The following QSOX2 variants were observed in gnomAD, a reference collection of about 807,000 sequenced individuals.
The protein encoded by QSOX2 is sulfhydryl oxidase 2.
QSOX2 carries 46 observed loss-of-function variants against 61.7 expected under a neutral mutation model. The observed-to-expected ratio is 0.75, with a 90% confidence interval of 0.59 to 0.95. The LOEUF (loss-of-function observed/expected upper bound fraction) is 0.95, where lower values mean the gene tolerates loss of function less well. QSOX2 is among the 40% of genes least tolerant of loss of function. QSOX2 has a pLI of 0.00. For synonymous variants in QSOX2, 383 were observed against 388.4 expected (o/e 0.99, Z 0.16); for missense variants, 879 against 918.9 (o/e 0.96, Z 0.56).
chr9:136,211,203 G>C (rs1831839721), intron 11 of QSOX2, 61 bp downstream of exon 11: 1 of 1,552,232 alleles, frequency 6.4e-7, no homozygotes, highest in Non-Finnish European at 8.8e-7. Flanking sequence ...CGTCCTTGCT[G>C]TCCCAGGACC....
chr9:136,244,594 T>A (rs957069710), intron 1 of QSOX2, among the ~76,000 whole-genome samples: 1 of 152,226 alleles, frequency 6.6e-6, no homozygotes, highest in African/African-American at 2.4e-5. Flanking sequence ...CAAACCTCAC[T>A]GGGTCGGGAG....
chr9:136,245,582 G>T lies in QSOX2; in HGVS notation c.222C>A (p.Ala74=). 6.3e-7 allele frequency: 1 copy of T among 1,577,052 alleles called. No homozygotes were observed. The highest frequency in any genetic ancestry group is 8.5e-7 in the Non-Finnish European group (1 of 1,171,046). The change falls in exon 1 of 12, where the codon GCC becomes GCA. Residue 74 remains alanine, a synonymous_variant. Transcript: ENST00000358701. ...WVLDSGSVRG[A]TANSSAAWLV... Reference sequence around the variant, plus strand: ...GCCACGCGGCCGAGCTGTTGGCGGTGGCCCCGCGCACGCTGCCGCTGTCCA... The same window carrying T: ...GCCACGCGGCCGAGCTGTTGGCGGTTGCCCCGCGCACGCTGCCGCTGTCCA...
intron 8 of QSOX2, among the ~76,000 whole-genome samples, chr9:136,217,341 C>A (rs1831926391): frequency 6.6e-6 from 1 of 152,188 alleles, no homozygotes; most frequent in African/African-American, 2.4e-5. Flanking sequence ...ACATAGGCTG[C>A]CGAAAGAGCT....
intron 10 of QSOX2, among the ~76,000 whole-genome samples, chr9:136,213,583 G>A (rs768728016): frequency 2.7e-5 from 4 of 150,606 alleles, no homozygotes; most frequent in Non-Finnish European, 3.0e-5. Flanking sequence ...CCAGACCCCC[G>A]AGAAGCAGTA....
rs114619754 is a variant in QSOX2, at chr9:136,243,562, A to G, written c.328+1914T>C. ...TGTACTGATTTATGTCTCTCTGCCT[A>G]TAACTTCTGTCTCCCTAAAATGTAT... is the stretch of plus-strand genomic sequence containing the variant. On this transcript the variant is annotated intron_variant, in intron 1 of 11. Coordinates refer to ENST00000358701, the MANE Select transcript of QSOX2 (RefSeq NM_181701.4). Among the ~76,000 whole-genome samples, 325 of 152,362 alleles carry G rather than the reference A, an allele frequency of 2.1e-3. 2 individuals are homozygous for G. The highest frequency in any genetic ancestry group is 7.3e-3 in the African/African-American group (304 of 41,580).
chr9:136,211,224 TC>T, intron 11 of QSOX2, 39 bp downstream of exon 11: 1 of 1,600,794 alleles, frequency 6.2e-7, no homozygotes, highest in Non-Finnish European at 8.5e-7. Flanking sequence ...AGGGCCTCCC[TC>T]CGCCCGTGCT....
At chr9:136,241,620 C>CGCGG (rs1351132458) in intron 1 of QSOX2, among the ~76,000 whole-genome samples, 4 of 152,198 alleles carry the variant, frequency 2.6e-5, no homozygotes, top group African/African-American at 9.7e-5. Flanking sequence ...ACACCCATCC[C>CGCGG]GGCCTGTCAC....
Position 136,219,177 on chromosome 9 carries a change from G to C in QSOX2, c.822-13C>G, listed in dbSNP as rs767935036. The C allele has an allele frequency of 6.2e-7, 1 of 1,610,096 alleles. No individual in the cohort carries two copies. The highest frequency in any genetic ancestry group is 1.1e-5 in the South Asian group (1 of 90,850). ...CAGAGGCTTCACGCTGTGAGAGAGG[G>C]GAGGGCAAAGGTGAGAAGAGCCTCC... On this transcript the variant is annotated splice_polypyrimidine_tract_variant and intron_variant, in intron 6 of 11. Transcript: ENST00000358701.
Position 136,209,342 on chromosome 9 carries a change from G to A in QSOX2, c.1550-67C>T. 6.4e-7 allele frequency: 1 copy of A among 1,556,284 alleles called. No individual in the cohort carries two copies. The highest frequency in any genetic ancestry group is 8.7e-7 in the Non-Finnish European group (1 of 1,149,340). On this transcript the variant is annotated intron_variant, in intron 11 of 11. Coordinates refer to ENST00000358701, the MANE Select transcript of QSOX2 (RefSeq NM_181701.4). The surrounding 1 kb of genome is among the most constrained non-coding windows in gnomAD (Gnocchi z 5.6). ...TTTGTGCAGCCACGTGCAGCGTGCGGCAACCGGACTCCCACTCCCACCCAC... is the reference window on the plus strand; with the variant it reads ...TTTGTGCAGCCACGTGCAGCGTGCGACAACCGGACTCCCACTCCCACCCAC...
intron 1 of QSOX2, among the ~76,000 whole-genome samples, chr9:136,236,462 C>T (rs1026029007): frequency 9.8e-5 from 15 of 152,362 alleles, no homozygotes; most frequent in African/African-American, 2.9e-4. Context: ...CCTTGCTTTC[C>T]CTCCAGTTTT....
chr9:136,230,635 G>C (rs1390880898), intron 1 of QSOX2, among the ~76,000 whole-genome samples: 2 of 152,210 alleles, frequency 1.3e-5, no homozygotes, highest in Non-Finnish European at 2.9e-5. Flanking sequence ...CCCCAATGAG[G>C]CTTCAGATTC....
Position 136,219,088 on chromosome 9 carries a change from G to A in QSOX2, c.898C>T (p.Pro300Ser), listed in dbSNP as rs1415493786. The A allele has an allele frequency of 6.2e-7, 1 of 1,614,136 alleles. No homozygotes were observed. The highest frequency in any genetic ancestry group is 8.5e-7 in the Non-Finnish European group (1 of 1,180,032). Reference sequence around the variant, plus strand: ...TTTTCTTCTTTGTGTGGCTTTTCAGGCAAGGGAAGCGATTTTTTCCTCACA... The same window carrying A: ...TTTTCTTCTTTGTGTGGCTTTTCAGACAAGGGAAGCGATTTTTTCCTCACA... ...PDVRKKSLPL[P>S]EKPHKEENSE... Residue 300 changes from proline (P) to serine (S), a missense_variant, in exon 7 of 12, where the codon CCT becomes TCT. Coordinates refer to ENST00000358701, the MANE Select transcript of QSOX2 (RefSeq NM_181701.4).
chr9:136,217,214 G>A (rs1564290806), intron 8 of QSOX2, among the ~76,000 whole-genome samples: 2 of 152,116 alleles, frequency 1.3e-5, no homozygotes, highest in Non-Finnish European at 2.9e-5. Flanking sequence ...GGCTTGTGTG[G>A]GCCGTGAGGC....
chr9:136,245,110 G>T (rs1286518633), intron 1 of QSOX2, among the ~76,000 whole-genome samples: 1 of 152,176 alleles, frequency 6.6e-6, no homozygotes, highest in Non-Finnish European at 1.5e-5. Context: ...GAAGGTCAAT[G>T]AAGTTCTTGG....
intron 1 of QSOX2, among the ~76,000 whole-genome samples, chr9:136,229,699 G>T (rs575384777): frequency 4.6e-5 from 7 of 152,286 alleles, no homozygotes; most frequent in South Asian, 2.1e-4. Flanking sequence ...TGGTTTTCAC[G>T]GTGGGATCTG....
intron 7 of QSOX2, 72 bp from the exon 8 acceptor site, chr9:136,218,880 C>T: frequency 6.3e-7 from 1 of 1,584,156 alleles, no homozygotes; most frequent in Non-Finnish European, 8.6e-7. Context: ...TGTCCTGGCT[C>T]CTCCCCACGG....
At position 136,222,576 on chromosome 9, in the gene QSOX2, G is replaced by A. The variant is rs1420873958; in HGVS notation, c.676-635C>T. On this transcript the variant is annotated intron_variant, in intron 5 of 11. Coordinates refer to ENST00000358701, the MANE Select transcript of QSOX2 (RefSeq NM_181701.4). The surrounding 1 kb of genome is among the most constrained non-coding windows in gnomAD (Gnocchi z 6.9). ...TAAAGGTGTGAACTGGGCGCCCCGC[G>A]TGGCCGTGCCTCTCCTGAGCTGGGT... Among the ~76,000 whole-genome samples the A allele has an allele frequency of 4.6e-5, 7 of 152,224 alleles. No homozygotes were observed. Among genetic ancestry groups the A allele is most frequent in the African/African-American group, 1.2e-4 (5 of 41,464 alleles).
intron 1 of QSOX2, among the ~76,000 whole-genome samples, chr9:136,239,868 C>T (rs577232986): frequency 1.2e-4 from 19 of 152,254 alleles, no homozygotes; most frequent in Non-Finnish European, 2.5e-4. Flanking sequence ...CCGGCAAGGA[C>T]TCGGCAGATG....
rs751832320 is a variant in QSOX2 at position 136,219,037 on chromosome 9, A to G, written c.949T>C (p.Phe317Leu). Reference sequence around the variant, plus strand: ...TTCAAGAGGAACACTTGCTTGTCAAATTCTCTCCAAACCACGATTTCTGAA... The same window carrying G: ...TTCAAGAGGAACACTTGCTTGTCAAGTTCTCTCCAAACCACGATTTCTGAA... ...ENSEIVVWRE[F>L]DKSKLYTVDL... Residue 317 changes from phenylalanine (F) to leucine (L), a missense_variant, in exon 7 of 12, where the codon TTT becomes CTT. Coordinates refer to ENST00000358701, the MANE Select transcript of QSOX2 (RefSeq NM_181701.4). The G allele has an allele frequency of 6.2e-7, 1 of 1,614,008 alleles. No homozygotes were observed. Among genetic ancestry groups the G allele is most frequent in the Non-Finnish European group, 8.5e-7 (1 of 1,179,994 alleles).
Sources: allele counts gnomAD v4.1 joint callset (sites outside exome capture counted in the v4.1 genomes callset), GRCh38; gene constraint gnomAD v4.1.1; non-coding constraint Gnocchi (gnomAD v3.1); transcripts MANE v1.5; gene names NCBI Gene and HGNC (gene_info 2026-07-23, HGNC 2026-07-21).